PRKCQ: variants seen among roughly 807,000 people sequenced by gnomAD.
PRKCQ encodes protein kinase C theta.
PRKCQ carries 41 observed loss-of-function variants against 91.2 expected under a neutral mutation model. That is an observed-to-expected ratio of 0.45 (90% CI 0.35 to 0.58). The LOEUF (loss-of-function observed/expected upper bound fraction) is 0.58. Among genes scored for constraint, PRKCQ ranks in the 20% least tolerant of loss-of-function variants. The pLI is 0.00. For missense variants in PRKCQ, 673 were observed against 896.5 expected, an observed-to-expected ratio of 0.75 and a Z score of 3.18; for synonymous variants, 307 against 316.9, an observed-to-expected ratio of 0.97 and a Z score of 0.33.
chr10:6,447,329 C>T (rs1438320498), intron 15 of PRKCQ, among the ~76,000 whole-genome samples: 1 of 151,126 alleles, frequency 6.6e-6, no homozygotes, highest in African/African-American at 2.4e-5. Context: ...ATTGCCTGAA[C>T]CTGGGAGGCG....
chr10:6,524,399 GGAGGGC>G (rs1554778912), intron 1 of PRKCQ, among the ~76,000 whole-genome samples: 1 of 152,102 alleles, frequency 6.6e-6, no homozygotes, highest in Non-Finnish European at 1.5e-5. Flanking sequence ...CAAAGTGCTT[GGAGGGC>G]CTGAATTCAA....
chr10:6,400,630 A>AG, the PRKCQ span, among the ~76,000 whole-genome samples: 2 of 40,944 alleles, frequency 4.9e-5, no homozygotes, highest in Non-Finnish European at 1.2e-4. Flanking sequence ...GCTTCCTTTC[A>AG]GAAAAAAAAA....
chr10:6,467,732 G>C (rs1835765466), intron 12 of PRKCQ, among the ~76,000 whole-genome samples: 1 of 152,198 alleles, frequency 6.6e-6, no homozygotes, highest in African/African-American at 2.4e-5. Context: ...CACCATCACA[G>C]GGCCTTGGTT....
intron 1 of PRKCQ, among the ~76,000 whole-genome samples, chr10:6,546,786 G>A (rs992811555): frequency 1.3e-5 from 2 of 152,160 alleles, no homozygotes; most frequent in Non-Finnish European, 2.9e-5. Flanking sequence ...GGAGTGGTGA[G>A]AGAGGGCATC....
Position 6,457,648 on chromosome 10 carries a change from T to G in PRKCQ, c.1509-836A>C, listed in dbSNP as rs112663600. Among the ~76,000 whole-genome samples the G allele has an allele frequency of 6.6e-5, 10 of 152,302 alleles. 2 individuals are homozygous for G. Among genetic ancestry groups the G allele is most frequent in the African/African-American group, 2.4e-4 (10 of 41,564 alleles). On this transcript the variant is annotated intron_variant, in intron 14 of 17. Transcript: ENST00000263125. ...TGAATTTGTCCGTTTTCTTCTCGAC[T>G]GACTTGGCTCAGAATGAAGCCAGAA...
chr10:6,565,543 C>A (rs977171816), intron 1 of PRKCQ, among the ~76,000 whole-genome samples: 1 of 152,132 alleles, frequency 6.6e-6, no homozygotes, highest in Non-Finnish European at 1.5e-5. Flanking sequence ...TAGCAATGTT[C>A]GCCTTTTTTT....
chr10:6,485,352 C>T (rs1303405828), intron 9 of PRKCQ, 83 bp from the exon 10 acceptor site: 4 of 1,075,440 alleles, frequency 3.7e-6, no homozygotes, highest in Non-Finnish European at 5.7e-6. Context: ...GGGACAAAGG[C>T]CATTTAAAAT....
At chr10:6,564,639 C>T (rs559657982) in intron 1 of PRKCQ, among the ~76,000 whole-genome samples, 1 of 152,198 alleles carries the variant, frequency 6.6e-6, no homozygotes, top group Non-Finnish European at 1.5e-5. Flanking sequence ...TATGAGAGGG[C>T]CCTAGGGATG....
chr10:6,445,121 C>CTCAAAAAAAAAAAAAAA (rs779476076), intron 15 of PRKCQ, among the ~76,000 whole-genome samples: 2 of 105,412 alleles, frequency 1.9e-5, no homozygotes, highest in African/African-American at 8.8e-5. Flanking sequence ...AAGACTCTGT[C>CTCAAAAAAAAAAAAAAA]AAAAAAAAAA....
At chr10:6,460,787 C>A (rs1185271055) in intron 14 of PRKCQ, among the ~76,000 whole-genome samples, 1 of 152,066 alleles carries the variant, frequency 6.6e-6, no homozygotes, top group Non-Finnish European at 1.5e-5. Context: ...CCACTGTGCC[C>A]AGCCCCTTTC....
At chr10:6,543,327 T>G (rs1323981472) in intron 1 of PRKCQ, among the ~76,000 whole-genome samples, 1 of 152,236 alleles carries the variant, frequency 6.6e-6, no homozygotes, top group Non-Finnish European at 1.5e-5. Context: ...AGGCTTCCCT[T>G]AGCTTTCAGC....
intron 1 of PRKCQ, among the ~76,000 whole-genome samples, chr10:6,565,559 A>C (rs1443631746): frequency 4.6e-5 from 7 of 152,304 alleles, no homozygotes; most frequent in Admixed American, 1.3e-4. Flanking sequence ...TTTTTTGGTG[A>C]AAGAAATTGC....
intron 5 of PRKCQ, 58 bp downstream of exon 5, chr10:6,498,338 A>G: frequency 6.3e-7 from 1 of 1,580,422 alleles, no homozygotes; most frequent in Non-Finnish European, 8.7e-7. Flanking sequence ...TAGAGGATTA[A>G]GAAGACGCAA....
intron 4 of PRKCQ, among the ~76,000 whole-genome samples, chr10:6,505,606 C>G (rs1203380942): frequency 1.6e-5 from 2 of 127,228 alleles, no homozygotes; most frequent in Non-Finnish European, 3.6e-5. Flanking sequence ...CTCACCCTCT[C>G]TCTCTCTCCC....
At position 6,516,661 on chromosome 10, in the gene PRKCQ, G is replaced by A. The variant is rs371680171; in HGVS notation, c.-9-1517C>T. Among the ~76,000 whole-genome samples the A allele has an allele frequency of 2.4e-3, 364 of 152,186 alleles. 2 individuals are homozygous for A. The highest frequency in any genetic ancestry group is 7.4e-3 in the African/African-American group (308 of 41,498). On this transcript the variant is annotated intron_variant, in intron 1 of 17. Coordinates refer to ENST00000263125, the MANE Select transcript of PRKCQ (RefSeq NM_006257.5). ...CAGTTACGGGAGTTTTTGCCCTGTTGGGACTTTCTGAAGATTTCCTTAATT... is the reference window on the plus strand; with the variant it reads ...CAGTTACGGGAGTTTTTGCCCTGTTAGGACTTTCTGAAGATTTCCTTAATT...
intron 16 of PRKCQ, among the ~76,000 whole-genome samples, chr10:6,434,983 C>T (rs4748073): frequency 0.39 from 58,879 of 151,912 alleles, 13,405 homozygotes; most frequent in East Asian, 0.76. Context: ...GGCGCGATCT[C>T]GGCTCACTGC....
chr10:6,576,217 A>G lies in PRKCQ; in HGVS notation c.-10+3994T>C, dbSNP rs1841231700. 2.0e-5 allele frequency among the ~76,000 whole-genome samples: 3 copies of G among 152,248 alleles called. No individual in the cohort carries two copies. The highest frequency in any genetic ancestry group is 4.4e-5 in the Non-Finnish European group (3 of 68,042). ...AATTCTACTGCTGGGTACATACCCCAAAGAATTGAAAGCAGGACCTCAAAC... is the reference window on the plus strand; with the variant it reads ...AATTCTACTGCTGGGTACATACCCCGAAGAATTGAAAGCAGGACCTCAAAC... On this transcript the variant is annotated intron_variant, in intron 1 of 17. Transcript: ENST00000263125. This position sits in a 1 kb window ranked among gnomAD's most constrained non-coding sequence, Gnocchi z 4.2.
chr10:6,540,201 T>C (rs548628633), intron 1 of PRKCQ, among the ~76,000 whole-genome samples: 3 of 152,346 alleles, frequency 2.0e-5, no homozygotes, highest in South Asian at 2.1e-4. Flanking sequence ...ACTCAGTCTA[T>C]GTTTAATAAC....
At chr10:6,421,532 C>T in the PRKCQ span, among the ~76,000 whole-genome samples, 9 of 152,300 alleles carry the variant, frequency 5.9e-5, no homozygotes, top group East Asian at 1.7e-3. The surrounding 1 kb of genome is among the most constrained non-coding windows in gnomAD (Gnocchi z 4.1). Context: ...TTCAAGCCAA[C>T]AATAGCTCCA....
Sources: allele counts gnomAD v4.1 joint callset (sites outside exome capture counted in the v4.1 genomes callset), GRCh38; gene constraint gnomAD v4.1.1; non-coding constraint Gnocchi (gnomAD v3.1); transcripts MANE v1.5; gene names NCBI Gene and HGNC (gene_info 2026-07-23, HGNC 2026-07-21).